Variants in SLC38A2 observed in about 807,000 individuals in gnomAD.
SLC38A2 encodes the protein sodium-coupled neutral amino acid symporter 2.
A neutral mutation model predicts 61.5 loss-of-function variants in SLC38A2; 11 were observed. That is an observed-to-expected ratio of 0.18 (90% CI 0.11 to 0.30). SLC38A2 has a LOEUF of 0.30. Among genes scored for constraint, SLC38A2 ranks in the 10% least tolerant of loss-of-function variants. The pLI is 1.00. For synonymous variants in SLC38A2, 217 were observed against 212.5 expected (o/e 1.02, Z -0.18); for missense variants, 522 against 600.4 (o/e 0.87, Z 1.36).
At chr12:46,370,374 G>C in intron 4 of SLC38A2, 138 bp downstream of exon 4, 2 of 645,344 alleles carry the variant, frequency 3.1e-6, no homozygotes, top group South Asian at 3.9e-5. Context: ...AGATTTTTTG[G>C]GGTTTCTCAT....
intron 2 of SLC38A2, 87 bp from the exon 3 acceptor site, chr12:46,370,944 C>A: frequency 9.7e-7 from 1 of 1,028,716 alleles, no homozygotes; most frequent in East Asian, 2.6e-5. Context: ...AAAATACCCT[C>A]CAACAGCATA....
chr12:46,372,557 G>A lies in SLC38A2; in HGVS notation c.-135C>T. 1 of 396,394 alleles carries A rather than the reference G, an allele frequency of 2.5e-6. No individual in the cohort carries two copies. Among genetic ancestry groups the A allele is most frequent in the Non-Finnish European group, 4.4e-6 (1 of 224,788 alleles). The allele number at this position is 396,394 out of a possible 1,614,324, so 24.6% of individuals were successfully genotyped here. On this transcript the variant is annotated 5_prime_UTR_variant, in exon 1 of 16. Transcript: ENST00000256689. ...AGACGTCTTCAGTGGGTTTCTCTCA[G>A]TCAAATACAAATCATAAAAAACAAA...
Position 46,371,325 on chromosome 12 carries a change from G to A in SLC38A2, c.-32C>T. On this transcript the variant is annotated 5_prime_UTR_variant, in exon 2 of 16. Transcript: ENST00000256689. ...CACTGGGAGGAATCGGGTGCAGCTA[G>A]TAGCGCTGGGCTCCTTTTGTCCTTG... The A allele has an allele frequency of 6.4e-7, 1 of 1,564,084 alleles. No individual in the cohort carries two copies. Among genetic ancestry groups the A allele is most frequent in the Non-Finnish European group, 8.8e-7 (1 of 1,134,918 alleles).
chr12:46,362,526 A>G lies in SLC38A2; in HGVS notation c.1292T>C (p.Val431Ala). Reference sequence around the variant, plus strand: ...ACCAAAGATATCCCTAATAGTTGGGACAAAGATGACAAGTAAATTGGTAAA... The same window carrying G: ...ACCAAAGATATCCCTAATAGTTGGGGCAAAGATGACAAGTAAATTGGTAAA... Reference protein sequence around the residue: ...LAFTNLLVIFVPTIRDIFGFI... With the variant: ...LAFTNLLVIFAPTIRDIFGFI... Residue 431 changes from valine to alanine, a missense_variant, in exon 14 of 16, where the codon GTC becomes GCC. Coordinates refer to ENST00000256689, the MANE Select transcript of SLC38A2 (RefSeq NM_018976.5). The G allele has an allele frequency of 1.3e-6, 2 of 1,598,864 alleles. No homozygotes were observed. The highest frequency in any genetic ancestry group is 1.7e-6 in the Non-Finnish European group (2 of 1,176,284).
chr12:46,361,619 C>T (rs959276925), intron 15 of SLC38A2, among the ~76,000 whole-genome samples: 1 of 152,130 alleles, frequency 6.6e-6, no homozygotes. Context: ...TAAATCCTAC[C>T]CTTCAATACT....
chr12:46,363,194 C>T lies in SLC38A2; in HGVS notation c.1055-49G>A, dbSNP rs188714314. 9.0e-5 allele frequency: 143 copies of T among 1,590,546 alleles called. No homozygotes were observed. The African/African-American group carries it at 1.8e-3, about 20-fold the overall frequency. On this transcript the variant is annotated intron_variant, in intron 12 of 15. Coordinates refer to ENST00000256689, the MANE Select transcript of SLC38A2 (RefSeq NM_018976.5). Reference sequence around the variant, plus strand: ...TTTGATTGGCTGTTTTCATTGGACACCAAGTAGAAAATTTAACAGCAAAAT... The same window carrying T: ...TTTGATTGGCTGTTTTCATTGGACATCAAGTAGAAAATTTAACAGCAAAAT...
At chr12:46,365,502 C>T (rs1943130330) in intron 7 of SLC38A2, among the ~76,000 whole-genome samples, 2 of 152,054 alleles carry the variant, frequency 1.3e-5, no homozygotes, top group African/African-American at 4.8e-5. Flanking sequence ...GGGAACAAAG[C>T]TTGTTTGTTA....
intron 1 of SLC38A2, 35 bp from the exon 2 acceptor site, chr12:46,371,414 C>G: frequency 1.4e-6 from 1 of 712,644 alleles, no homozygotes; most frequent in Non-Finnish European, 2.3e-6. Flanking sequence ...AGGACCGCAG[C>G]GCCAGCCCGC....
chr12:46,371,420 C>T (rs1592208556), intron 1 of SLC38A2, 41 bp from the exon 2 acceptor site: 7 of 711,152 alleles, frequency 9.8e-6, no homozygotes, highest in South Asian at 8.8e-5. Context: ...GCAGCGCCAG[C>T]CCGCCGCGGT....
At chr12:46,371,598 G>T in intron 1 of SLC38A2, 1 of 352,818 alleles carries the variant, frequency 2.8e-6, no homozygotes. Flanking sequence ...TGCGGCCGTC[G>T]AGGCCCCCTA....
At chr12:46,362,211 A>G in intron 15 of SLC38A2, 73 bp downstream of exon 15, 1 of 1,198,016 alleles carries the variant, frequency 8.3e-7, no homozygotes, top group Non-Finnish European at 1.2e-6. Context: ...AACAGCTATG[A>G]GAATAAAATT....
chr12:46,368,721 G>A (rs1025857590), intron 4 of SLC38A2, among the ~76,000 whole-genome samples: 1 of 152,224 alleles, frequency 6.6e-6, no homozygotes, highest in African/African-American at 2.4e-5. Context: ...AAGTTTTACA[G>A]GACCTAGTCT....
Position 46,370,820 on chromosome 12 carries a change from A to G in SLC38A2, c.154T>C (p.Leu52=), listed in dbSNP as rs1347994299. The change falls in exon 3 of 16, where the codon TTA becomes CTA. Residue 52 remains leucine (L), a synonymous_variant. Coordinates refer to ENST00000256689, the MANE Select transcript of SLC38A2 (RefSeq NM_018976.5). ...TTCTTCCCCAAATTCGATTCAAGTAAAAAGTTCTGGTTTTCAGGATCTACA... is the reference window on the plus strand; with the variant it reads ...TTCTTCCCCAAATTCGATTCAAGTAGAAAGTTCTGGTTTTCAGGATCTACA... ...ADVDPENQNF[L]LESNLGKKKY... The G allele has an allele frequency of 3.7e-6, 6 of 1,612,660 alleles. No homozygotes were observed. In the African/African-American group the frequency reaches 6.7e-5, roughly 18 times the overall value.
At chr12:46,363,650 G>GA in intron 12 of SLC38A2, 76 bp downstream of exon 12, 1 of 878,748 alleles carries the variant, frequency 1.1e-6, no homozygotes. Flanking sequence ...ACTACACATA[G>GA]AAAACTAGCA....
chr12:46,370,822 A>C lies in SLC38A2; in HGVS notation c.152T>G (p.Phe51Cys). 6.2e-7 allele frequency: 1 copy of C among 1,612,768 alleles called. No individual in the cohort carries two copies. Among genetic ancestry groups the C allele is most frequent in the African/African-American group, 1.3e-5 (1 of 75,004 alleles). ...CTTCCCCAAATTCGATTCAAGTAAA[A>C]AGTTCTGGTTTTCAGGATCTACATC... ...YADVDPENQN[F>C]LLESNLGKKK... is the part of the protein sequence containing the mutation. Residue 51 changes from phenylalanine to cysteine, a missense_variant, in exon 3 of 16, where the codon TTT becomes TGT. Phe to Cys is a radical substitution (Grantham distance 205). Transcript: ENST00000256689.
chr12:46,362,993 A>G (rs778386769), intron 13 of SLC38A2, 28 bp downstream of exon 13: 2 of 1,610,628 alleles, frequency 1.2e-6, no homozygotes, highest in Non-Finnish European at 8.5e-7. Flanking sequence ...ACTCCTTCCT[A>G]CTGAAAGCAG....
rs560825788 is a variant in SLC38A2, at chr12:46,370,190, A to G, written c.314+322T>C. 4.9e-3 allele frequency among the ~76,000 whole-genome samples: 750 copies of G among 152,328 alleles called. 9 individuals carry two copies. Among genetic ancestry groups the G allele is most frequent in the African/African-American group, 0.017 (721 of 41,570 alleles). On this transcript the variant is annotated intron_variant, in intron 4 of 15. Transcript: ENST00000256689. ...CTTCTGATTTGCCAAAACAAAATTT[A>G]TACCTACCCTGGCTTTAGCCATAGT...
Position 46,370,801 on chromosome 12 carries a change from C to G in SLC38A2, c.173G>C (p.Gly58Ala), listed in dbSNP as rs759570937. ...AAATTCTGTTTCATACTTCTTCTTC[C>G]CCAAATTCGATTCAAGTAAAAAGTT... ...NQNFLLESNL[G>A]KKKYETEFHP... The change falls in exon 3 of 16, where the codon GGG becomes GCG. Residue 58 changes from glycine (G) to alanine (A), a missense_variant. This residue lies in a region of SLC38A2 where 102 missense variants were observed against 83.1 expected (regional missense o/e 1.23). Transcript: ENST00000256689. The G allele has an allele frequency of 1.2e-6, 2 of 1,612,996 alleles. No individual in the cohort carries two copies. Among genetic ancestry groups the G allele is most frequent in the East Asian group, 4.5e-5 (2 of 44,840 alleles).
At chr12:46,370,162 C>G (rs938852732) in intron 4 of SLC38A2, among the ~76,000 whole-genome samples, 1 of 152,184 alleles carries the variant, frequency 6.6e-6, no homozygotes, top group Non-Finnish European at 1.5e-5. Flanking sequence ...TTAGGATTTT[C>G]AGCTTCTGAT....
Sources: allele counts gnomAD v4.1 joint callset (sites outside exome capture counted in the v4.1 genomes callset), GRCh38; gene constraint gnomAD v4.1.1; regional missense constraint gnomAD v4.1.1; transcripts MANE v1.5; gene names NCBI Gene and HGNC (gene_info 2026-07-23, HGNC 2026-07-21).